Variants in NUP133 observed in about 807,000 individuals in gnomAD.
NUP133 encodes nucleoporin 133, also known as nuclear pore complex protein Nup133.
A neutral mutation model predicts 146.2 loss-of-function variants in NUP133; 66 were observed. The observed-to-expected ratio is 0.45, with a 90% CI of 0.37 to 0.55. The LOEUF (loss-of-function observed/expected upper bound fraction) is 0.55. Ranked by LOEUF, NUP133 falls within the 20% of genes least tolerant of loss-of-function variation. The pLI, the probability that NUP133 is intolerant of heterozygous loss-of-function variation, is 0.00. For missense variants in NUP133, 1,277 were observed against 1,374.8 expected (o/e 0.93, Z 1.12); for synonymous variants, 521 against 498.8 (o/e 1.04, Z -0.59).
At chr1:229,463,951 G>A (rs530840189) in intron 18 of NUP133, among the ~76,000 whole-genome samples, 12 of 152,042 alleles carry the variant, frequency 7.9e-5, no homozygotes, top group African/African-American at 2.4e-4. Context: ...TTCGAGTCCC[G>A]CCAGGCCAAT....
chr1:229,476,850 G>A (rs1661085960), intron 13 of NUP133, among the ~76,000 whole-genome samples: 1 of 151,478 alleles, frequency 6.6e-6, no homozygotes, highest in African/African-American at 2.4e-5. Context: ...CTTGAACCCA[G>A]GAGGTGGAGG....
chr1:229,501,456 G>C (rs191483365), intron 3 of NUP133, among the ~76,000 whole-genome samples: 116 of 152,292 alleles, frequency 7.6e-4, no homozygotes, highest in Admixed American at 1.4e-3. Flanking sequence ...CATGGCCAAG[G>C]AAGTAATGAC....
rs1235281538 is a variant in NUP133 at position 229,500,883 on chromosome 1, A to G, written c.406-20T>C. 1.3e-6 allele frequency: 2 copies of G among 1,514,384 alleles called. No individual in the cohort carries two copies. The highest frequency in any genetic ancestry group is 1.8e-6 in the Non-Finnish European group (2 of 1,097,980). The allele number at this position is 1,514,384 out of a possible 1,614,324, so 93.8% of individuals were successfully genotyped here. Reference sequence around the variant, plus strand: ...GGATAACTGTAGAACAAACCCAAACAGAAAATCTTTCACATCAAATCCAGT... The same window carrying G: ...GGATAACTGTAGAACAAACCCAAACGGAAAATCTTTCACATCAAATCCAGT... On this transcript the variant is annotated intron_variant, in intron 3 of 25. Coordinates refer to ENST00000261396, the MANE Select transcript of NUP133 (RefSeq NM_018230.3).
chr1:229,453,131 G>A (rs1418909398), intron 21 of NUP133, among the ~76,000 whole-genome samples: 1 of 152,118 alleles, frequency 6.6e-6, no homozygotes, highest in Non-Finnish European at 1.5e-5. Flanking sequence ...GTCTTGCTAT[G>A]CTGCCCAGGC....
intron 21 of NUP133, among the ~76,000 whole-genome samples, chr1:229,454,944 G>C (rs1660528257): frequency 6.6e-6 from 1 of 152,162 alleles, no homozygotes; most frequent in South Asian, 2.1e-4. Flanking sequence ...AATTTATTGA[G>C]TACTTAATAT....
rs1232614612 is a variant in NUP133, at chr1:229,466,705, C to G, written c.2128G>C (p.Val710Leu). Residue 710 changes from valine to leucine, a missense_variant, in exon 16 of 26, where the codon GTC becomes CTC. Around this residue, in one of 3 missense-constraint regions of NUP133, gnomAD observed 952 missense variants for 1,047.0 expected, o/e 0.91. Transcript: ENST00000261396. ...GAATCCATAGGTGCATCCCTCAAGA[C>G]TTGCTCCTCATGCTCCAGTAAGCAC... ...CECLLEHEEQ[V>L]LRDAPMDSIE... 1.2e-6 allele frequency: 2 copies of G among 1,613,726 alleles called. No individual in the cohort carries two copies. Among genetic ancestry groups the G allele is most frequent in the Non-Finnish European group, 1.7e-6 (2 of 1,179,738 alleles).
intron 8 of NUP133, among the ~76,000 whole-genome samples, chr1:229,495,233 T>A (rs1206617965): frequency 1.3e-5 from 2 of 151,934 alleles, no homozygotes; most frequent in South Asian, 2.1e-4. Context: ...TACAAAAAAA[T>A]TTTAAAAATC....
At chr1:229,501,445 A>G (rs1661795243) in intron 3 of NUP133, among the ~76,000 whole-genome samples, 2 of 152,176 alleles carry the variant, frequency 1.3e-5, no homozygotes, top group African/African-American at 4.8e-5. Flanking sequence ...TTCCAACGGA[A>G]CATGGCCAAG....
At chr1:229,446,997 G>A (rs770784530) in intron 24 of NUP133, among the ~76,000 whole-genome samples, 14 of 152,010 alleles carry the variant, frequency 9.2e-5, no homozygotes, top group Admixed American at 4.6e-4. Flanking sequence ...GGTGGTACAC[G>A]CCTGCAATCC....
chr1:229,494,388 T>C (rs1019187497), intron 8 of NUP133, among the ~76,000 whole-genome samples: 2 of 152,210 alleles, frequency 1.3e-5, no homozygotes, highest in African/African-American at 4.8e-5. Context: ...CACAAAGTGG[T>C]ACAACTGCAA....
At chr1:229,497,469 T>G (rs1661682156) in intron 6 of NUP133, among the ~76,000 whole-genome samples, 1 of 152,178 alleles carries the variant, frequency 6.6e-6, no homozygotes, top group African/African-American at 2.4e-5. Context: ...AAGCAGGTGA[T>G]AATTATCTGA....
chr1:229,493,264 A>G (rs899943366), intron 8 of NUP133, among the ~76,000 whole-genome samples: 2 of 152,186 alleles, frequency 1.3e-5, no homozygotes, highest in Non-Finnish European at 2.9e-5. Context: ...TACAGCCCCA[A>G]TCTCCTGGGC....
Position 229,441,658 on chromosome 1 carries a change from A to T in NUP133, c.*246T>A, listed in dbSNP as rs1014703519. 12 of 394,306 alleles carry T rather than the reference A, an allele frequency of 3.0e-5. No individual in the cohort carries two copies. Among genetic ancestry groups the T allele is most frequent in the African/African-American group, 2.5e-4 (12 of 48,574 alleles). 24.4% of individuals were successfully genotyped at this position (394,306 alleles called of 1,614,324 possible). On this transcript the variant is annotated 3_prime_UTR_variant, in exon 26 of 26. Transcript: ENST00000261396. The stretch of plus-strand genomic sequence containing the variant: ...CCAGAACCTGGGACCACGTGAGAGT[A>T]AAAAGAAAGGGCACCGAGTACAGGA...
At position 229,495,887 on chromosome 1, in the gene NUP133, C is replaced by G; in HGVS notation, c.975+5G>C. On this transcript the variant is annotated splice_donor_5th_base_variant and intron_variant, in intron 7 of 25. Coordinates refer to ENST00000261396, the MANE Select transcript of NUP133 (RefSeq NM_018230.3). ...ATTACAGAGATGAATATTATTGTTT[C>G]TTACCCAAATAGCATCGGTAATGTT... 6.3e-7 allele frequency: 1 copy of G among 1,578,564 alleles called. No individual in the cohort carries two copies. The highest frequency in any genetic ancestry group is 8.6e-7 in the Non-Finnish European group (1 of 1,166,078).
At chr1:229,502,558 CAAAAAAAAAAAAA>C (rs58520087) in intron 2 of NUP133, among the ~76,000 whole-genome samples, 3 of 43,120 alleles carry the variant, frequency 7.0e-5, no homozygotes, top group Non-Finnish European at 8.6e-5. Context: ...GACTCCATCT[CAAAAAAAAAAAAA>C]AAAAAAAAAG....
chr1:229,492,275 T>A (rs1661543535), intron 8 of NUP133, among the ~76,000 whole-genome samples: 1 of 152,020 alleles, frequency 6.6e-6, no homozygotes, highest in African/African-American at 2.4e-5. Flanking sequence ...CCTGGCTAAT[T>A]TTTGTATTTT....
At chr1:229,458,912 A>G (rs1157900922) in intron 20 of NUP133, among the ~76,000 whole-genome samples, 1 of 152,166 alleles carries the variant, frequency 6.6e-6, no homozygotes, top group Non-Finnish European at 1.5e-5. Flanking sequence ...TAGAATGGCA[A>G]TACCATCACA....
chr1:229,463,505 C>A lies in NUP133; in HGVS notation c.2685+38G>T, dbSNP rs756621281. 5.9e-5 allele frequency: 93 copies of A among 1,577,582 alleles called. 1 individual carries two copies. The South Asian group carries it at 1.1e-3, about 19-fold the overall frequency. On this transcript the variant is annotated intron_variant, in intron 19 of 25. Coordinates refer to ENST00000261396, the MANE Select transcript of NUP133 (RefSeq NM_018230.3). ...GCAAAGCCATTTCAAGAAAAGGCAA[C>A]TAAAGGACTCAGTGGCCACACACCC... is the stretch of plus-strand genomic sequence containing the variant.
At chr1:229,502,275 C>A (rs931358762) in intron 2 of NUP133, among the ~76,000 whole-genome samples, 173 bp from the exon 3 acceptor site, 2 of 152,094 alleles carry the variant, frequency 1.3e-5, no homozygotes, top group Non-Finnish European at 2.9e-5. Context: ...ACTCTGATAA[C>A]CAACTTTAGA....
Sources: gnomAD v4.1 joint callset for allele counts (sites outside exome capture counted in the v4.1 genomes callset) on GRCh38, gnomAD v4.1.1 for gene constraint, gnomAD v4.1.1 regional missense constraint, MANE v1.5 for transcripts, NCBI Gene and HGNC (gene_info 2026-07-23, HGNC 2026-07-21) for gene names.